Variants in CRTAC1 observed in about 807,000 individuals in gnomAD.
The protein encoded by CRTAC1 is cartilage acidic protein 1.
A neutral mutation model predicts 67.8 loss-of-function variants in CRTAC1; 37 were observed. That is an observed-to-expected ratio of 0.55 (90% CI 0.42 to 0.72). CRTAC1 has a LOEUF of 0.72. Ranked by LOEUF, CRTAC1 falls within the 30% of genes least tolerant of loss-of-function variation. The probability of loss-of-function intolerance (pLI) is 0.00; values close to 1 mark genes in which losing one functional copy is unlikely to be tolerated. For missense variants in CRTAC1, 780 were observed against 931.6 expected (o/e 0.84, Z 2.12); for synonymous variants, 348 against 371.0 (o/e 0.94, Z 0.71).
At chr10:97,988,660 C>T (rs1056790524) in intron 2 of CRTAC1, among the ~76,000 whole-genome samples, 5 of 152,106 alleles carry the variant, frequency 3.3e-5, no homozygotes, top group African/African-American at 9.7e-5. Flanking sequence ...GCGGAGGTTG[C>T]GGTGAGCCGA....
intron 1 of CRTAC1, among the ~76,000 whole-genome samples, chr10:98,026,620 T>A (rs1590305882): frequency 6.6e-6 from 1 of 152,070 alleles, no homozygotes; most frequent in Non-Finnish European, 1.5e-5. Context: ...GTGGTCCACG[T>A]GATCCTGCAC....
intron 14 of CRTAC1, among the ~76,000 whole-genome samples, chr10:97,876,763 C>T (rs968656976): frequency 6.6e-6 from 1 of 152,092 alleles, no homozygotes; most frequent in Non-Finnish European, 1.5e-5. Flanking sequence ...ACGGTTTGGG[C>T]TCCCACGGGT....
In CRTAC1 at chr10:98,027,626, G is replaced by C. The variant is rs527793825; in HGVS notation, c.24+2823C>G. Among the ~76,000 whole-genome samples the C allele has an allele frequency of 4.1e-5, 6 of 146,784 alleles. No homozygotes were observed. In the East Asian group the frequency reaches 1.2e-3, roughly 28 times the overall value. On this transcript the variant is annotated intron_variant, in intron 1 of 14. Coordinates refer to ENST00000370597, the MANE Select transcript of CRTAC1 (RefSeq NM_018058.7). ...AAAACACCACTTGGAATAATGAGACGAGATTGTAGAGGCAGGGAAAGAATA... is the reference window on the plus strand; with the variant it reads ...AAAACACCACTTGGAATAATGAGACCAGATTGTAGAGGCAGGGAAAGAATA...
At chr10:97,879,644 C>G in intron 14 of CRTAC1, 1 of 1,534,422 alleles carries the variant, frequency 6.5e-7, no homozygotes, top group East Asian at 2.5e-5. Context: ...TCCACAAAGG[C>G]TGTTAGTTTT....
At chr10:97,900,252 C>T (rs188453416) in intron 8 of CRTAC1, among the ~76,000 whole-genome samples, 3 of 152,310 alleles carry the variant, frequency 2.0e-5, no homozygotes, top group Admixed American at 1.3e-4. Context: ...TACCAGGAAC[C>T]CTTGTCATCC....
intron 2 of CRTAC1, among the ~76,000 whole-genome samples, chr10:97,997,944 A>C (rs957300733): frequency 6.6e-6 from 1 of 152,160 alleles, no homozygotes; most frequent in Admixed American, 6.6e-5. Flanking sequence ...AGAGTCCCAA[A>C]AGGAGAGAGC....
chr10:97,995,170 G>A (rs540579067), intron 2 of CRTAC1, among the ~76,000 whole-genome samples: 1 of 152,326 alleles, frequency 6.6e-6, no homozygotes, highest in South Asian at 2.1e-4. Flanking sequence ...TATCATCTGT[G>A]CTGTGAACAG....
In CRTAC1 at chr10:97,917,614, C is replaced by G; in HGVS notation, c.601G>C (p.Gly201Arg). The G allele has an allele frequency of 1.3e-6, 2 of 1,598,368 alleles. 1 individual carries two copies. The highest frequency in any genetic ancestry group is 2.3e-5 in the South Asian group (2 of 87,634). Reference protein sequence around the residue: ...YSIYIANYAYGNVGPDALIEM... With the variant: ...YSIYIANYAYRNVGPDALIEM... The stretch of plus-strand genomic sequence containing the variant: ...ATGAGGGCATCAGGGCCCACATTAC[C>G]GTAGGCGTAATTGGCAATGTAGATA... The change falls in exon 5 of 15, where the codon GGT (glycine) becomes CGT (arginine). Residue 201 changes from glycine (G) to arginine (R), a missense_variant. Transcript: ENST00000370597.
intron 1 of CRTAC1, among the ~76,000 whole-genome samples, chr10:98,017,318 G>A (rs1314574155): frequency 1.3e-5 from 2 of 152,124 alleles, no homozygotes; most frequent in African/African-American, 4.8e-5. Flanking sequence ...CCGTGTAAAG[G>A]CAATGGGAGG....
intron 2 of CRTAC1, among the ~76,000 whole-genome samples, chr10:97,978,697 C>A (rs1008019828): frequency 6.6e-6 from 1 of 152,198 alleles, no homozygotes; most frequent in African/African-American, 2.4e-5. Context: ...CAAGTCTCAG[C>A]TCTAATGTCC....
chr10:97,966,501 C>T (rs375377452), intron 2 of CRTAC1, among the ~76,000 whole-genome samples: 55 of 152,320 alleles, frequency 3.6e-4, no homozygotes, highest in Non-Finnish European at 6.6e-4. Context: ...CCCACACATG[C>T]CCTGCCCAGT....
chr10:97,960,029 C>T (rs2051501860), intron 2 of CRTAC1, among the ~76,000 whole-genome samples: 1 of 152,242 alleles, frequency 6.6e-6, no homozygotes, highest in South Asian at 2.1e-4. Flanking sequence ...TACCGTCTCC[C>T]AGAAAGAAAA....
chr10:97,874,790 C>T (rs1045306075), intron 14 of CRTAC1, among the ~76,000 whole-genome samples: 2 of 152,092 alleles, frequency 1.3e-5, no homozygotes, highest in Admixed American at 6.5e-5. Context: ...TTGCTCAATG[C>T]CTCTTTCTCA....
chr10:97,922,166 G>C (rs898838651), intron 4 of CRTAC1, among the ~76,000 whole-genome samples: 4 of 152,076 alleles, frequency 2.6e-5, no homozygotes, highest in African/African-American at 9.7e-5. Context: ...CACACTCTGG[G>C]GCTGTTCACA....
At chr10:97,882,638 G>A (rs2050230646) in intron 13 of CRTAC1, 148 bp downstream of exon 13, 1 of 749,672 alleles carries the variant, frequency 1.3e-6, no homozygotes, top group Non-Finnish European at 2.3e-6. Flanking sequence ...GGTTGTCTTG[G>A]CATCTGGAGT....
chr10:97,884,756 C>G (rs573286128), intron 11 of CRTAC1, among the ~76,000 whole-genome samples: 1 of 152,206 alleles, frequency 6.6e-6, no homozygotes, highest in African/African-American at 2.4e-5. Context: ...TTCTAGCAGA[C>G]AGGCCAAGCA....
chr10:98,004,402 G>A (rs910852123), intron 2 of CRTAC1, among the ~76,000 whole-genome samples: 3 of 152,162 alleles, frequency 2.0e-5, no homozygotes, highest in Admixed American at 6.5e-5. Flanking sequence ...AGCATACATG[G>A]CTGTACACAC....
intron 2 of CRTAC1, among the ~76,000 whole-genome samples, chr10:97,991,767 G>T (rs2136673948): frequency 6.6e-6 from 1 of 152,190 alleles, no homozygotes; most frequent in South Asian, 2.1e-4. Context: ...GAATGAACTT[G>T]TCTTCTTTTT....
Position 97,926,033 on chromosome 10 carries a change from C to T in CRTAC1, c.422-2633G>A, listed in dbSNP as rs543611899. On this transcript the variant is annotated intron_variant, in intron 3 of 14. Transcript: ENST00000370597. Reference sequence around the variant, plus strand: ...GGGTCCTCACCCGACAGCAGGGAACCGGCACCCTCTCTCCCTGCCTGCTGT... The same window carrying T: ...GGGTCCTCACCCGACAGCAGGGAACTGGCACCCTCTCTCCCTGCCTGCTGT... Among the ~76,000 whole-genome samples the T allele has an allele frequency of 7.0e-4, 107 of 152,250 alleles. No individual in the cohort carries two copies. The South Asian group carries it at 0.021, about 30-fold the overall frequency.
Sources: allele counts gnomAD v4.1 joint callset (sites outside exome capture counted in the v4.1 genomes callset), GRCh38; gene constraint gnomAD v4.1.1; transcripts MANE v1.5; gene names NCBI Gene and HGNC (gene_info 2026-07-23, HGNC 2026-07-21).